TRMT11: variants seen among roughly 807,000 people sequenced by gnomAD.
The protein encoded by TRMT11 is tRNA (guanine(10)-N(2))-methyltransferase TRMT11.
A neutral mutation model predicts 62.8 loss-of-function variants in TRMT11; 53 were observed. That is an observed-to-expected ratio of 0.84 (90% CI 0.68 to 1.06). The LOEUF (loss-of-function observed/expected upper bound fraction) is 1.06, where lower values mean the gene tolerates loss of function less well. Among genes scored for constraint, TRMT11 ranks in the 50% least tolerant of loss-of-function variants. The pLI is 0.00. For synonymous variants in TRMT11, 188 were observed against 190.3 expected (o/e 0.99, Z 0.10); for missense variants, 556 against 553.4 (o/e 1.00, Z -0.05).
At chr6:126,103,846 C>T (rs1297556867) in intron 17 of TRMT11, among the ~76,000 whole-genome samples, 2 of 152,120 alleles carry the variant, frequency 1.3e-5, no homozygotes, top group Non-Finnish European at 2.9e-5. Context: ...GAGTGACTTC[C>T]TATCTCCTTT....
chr6:126,196,710 G>A (rs984176277), intron 1 of TRMT11, among the ~76,000 whole-genome samples: 29 of 152,152 alleles, frequency 1.9e-4, no homozygotes, highest in Non-Finnish European at 3.4e-4. Flanking sequence ...TAGCTGTGAG[G>A]AAGGTATAAT....
In TRMT11 at chr6:126,008,378, G is replaced by A. The variant is rs367998024; in HGVS notation, c.680-14G>A. On this transcript the variant is annotated splice_polypyrimidine_tract_variant and intron_variant, in intron 7 of 12. Coordinates refer to ENST00000334379, the MANE Select transcript of TRMT11 (RefSeq NM_001031712.3). ...ACTTACTGGTTAACAGGTCAAAATT[G>A]TGTGATTTTTCAGGTGGCCTGCTGA... 8 of 1,611,998 alleles carry A rather than the reference G, an allele frequency of 5.0e-6. No individual in the cohort carries two copies. The highest frequency in any genetic ancestry group is 6.8e-6 in the Non-Finnish European group (8 of 1,178,412).
At chr6:126,102,059 G>T (rs2128179180) in intron 17 of TRMT11, among the ~76,000 whole-genome samples, 1 of 152,190 alleles carries the variant, frequency 6.6e-6, no homozygotes, top group South Asian at 2.1e-4. Context: ...TTGAATTTTT[G>T]GTGCAAGAGA....
chr6:125,993,691 C>A, intron 1 of TRMT11, 66 bp from the exon 2 acceptor site: 1 of 1,009,438 alleles, frequency 9.9e-7, no homozygotes, highest in Non-Finnish European at 1.5e-6. Context: ...TAATACCTGT[C>A]TCCCTTAGTA....
In TRMT11 at chr6:126,115,060, C is replaced by T. The variant is rs77763959; in HGVS notation, c.*1562-285C>T. ...ATCATTTATTGCTGCACGTGTCTTTCCCCCTCCATATACTGTGCTCCTTAA... is the reference window on the plus strand; with the variant it reads ...ATCATTTATTGCTGCACGTGTCTTTTCCCCTCCATATACTGTGCTCCTTAA... On this transcript the variant is annotated intron_variant and NMD_transcript_variant, in intron 19 of 22. Coordinates refer to the TRMT11 transcript ENST00000648977. 2.8e-3 allele frequency among the ~76,000 whole-genome samples: 423 copies of T among 152,160 alleles called. 2 individuals are homozygous for T. The highest frequency in any genetic ancestry group is 9.8e-3 in the African/African-American group (405 of 41,528).
intron 21 of TRMT11, among the ~76,000 whole-genome samples, chr6:126,148,197 T>C (rs910627339): frequency 1.3e-5 from 2 of 152,200 alleles, no homozygotes; most frequent in Non-Finnish European, 1.5e-5. Flanking sequence ...GGTCCATGGC[T>C]GGAGCCTGGC....
chr6:126,200,551 CATT>C (rs199980743), intron 3 of TRMT11, among the ~76,000 whole-genome samples: 1 of 152,048 alleles, frequency 6.6e-6, no homozygotes, highest in Non-Finnish European at 1.5e-5. Context: ...AACATGCATT[CATT>C]ATTATTATTA....
chr6:126,271,864 A>T, the TRMT11 span, among the ~76,000 whole-genome samples: 1 of 152,192 alleles, frequency 6.6e-6, no homozygotes, highest in African/African-American at 2.4e-5. Context: ...AACAAGATTT[A>T]CCTGTGGACA....
chr6:126,262,957 T>G, the TRMT11 span, among the ~76,000 whole-genome samples: 1 of 152,174 alleles, frequency 6.6e-6, no homozygotes, highest in African/African-American at 2.4e-5. Context: ...TGGTCTGTTT[T>G]TCTTGGTGGG....
intron 12 of TRMT11, among the ~76,000 whole-genome samples, chr6:126,029,610 C>T (rs1467656051): frequency 6.6e-6 from 1 of 152,172 alleles, no homozygotes; most frequent in Non-Finnish European, 1.5e-5. Flanking sequence ...ATAGTCTCTA[C>T]ATTAAAGTGA....
At chr6:126,152,566 A>C (rs1365950485) in intron 21 of TRMT11, among the ~76,000 whole-genome samples, 1 of 152,194 alleles carries the variant, frequency 6.6e-6, no homozygotes, top group Non-Finnish European at 1.5e-5. Context: ...CTCAGGTCAA[A>C]GAAGACAATG....
At chr6:126,191,514 C>T (rs1778600430) in intron 1 of TRMT11, among the ~76,000 whole-genome samples, 1 of 147,618 alleles carries the variant, frequency 6.8e-6, no homozygotes, top group African/African-American at 2.5e-5. Context: ...GAGATCTTGC[C>T]CTGCCCTCAA....
At position 126,145,027 on chromosome 6, in the gene TRMT11, G is replaced by C. The variant is rs188511711; in HGVS notation, c.*1823+29172G>C. On this transcript the variant is annotated intron_variant and NMD_transcript_variant, in intron 21 of 22. Coordinates refer to the TRMT11 transcript ENST00000648977. ...TACTTTTTAAAGACTGCCAGTGAAAGTTTTATATCTCTATGGTCCTAGACA... is the reference window on the plus strand; with the variant it reads ...TACTTTTTAAAGACTGCCAGTGAAACTTTTATATCTCTATGGTCCTAGACA... Among the ~76,000 whole-genome samples the C allele has an allele frequency of 6.8e-4, 103 of 152,240 alleles. 2 individuals carry two copies. The East Asian group carries it at 0.017, about 25-fold the overall frequency.
At chr6:126,217,020 A>G in the TRMT11 span, among the ~76,000 whole-genome samples, 1 of 152,184 alleles carries the variant, frequency 6.6e-6, no homozygotes, top group Non-Finnish European at 1.5e-5. Context: ...TCCTGCTGTT[A>G]AGAGACTCTG....
chr6:126,045,337 G>T (rs1215223403), intron 16 of TRMT11, among the ~76,000 whole-genome samples: 1 of 152,104 alleles, frequency 6.6e-6, no homozygotes, highest in Admixed American at 6.6e-5. Context: ...GACCCTTCAT[G>T]GTTCTTGATG....
intron 17 of TRMT11, among the ~76,000 whole-genome samples, chr6:126,085,871 G>A (rs369940728): frequency 1.3e-5 from 2 of 152,190 alleles, no homozygotes; most frequent in Admixed American, 6.6e-5. Context: ...AATTGTAACA[G>A]ATGTATCACT....
intron 21 of TRMT11, among the ~76,000 whole-genome samples, chr6:126,171,762 A>T (rs1778331977): frequency 6.6e-6 from 1 of 152,178 alleles, no homozygotes; most frequent in African/African-American, 2.4e-5. Context: ...CTTGTCGCCC[A>T]GGCTGGAGTG....
At chr6:126,186,071 T>A (rs1778524216) in intron 1 of TRMT11, among the ~76,000 whole-genome samples, 1 of 152,198 alleles carries the variant, frequency 6.6e-6, no homozygotes, top group Non-Finnish European at 1.5e-5. Context: ...TTTTAAAATA[T>A]CCTTCTGAAG....
rs566272598 is a variant in TRMT11 at position 126,033,181 on chromosome 6, T to A, written c.1261-5524T>A. On this transcript the variant is annotated intron_variant, in intron 12 of 12. Coordinates refer to ENST00000334379, the MANE Select transcript of TRMT11 (RefSeq NM_001031712.3). ...CGTTTTATCTAAGTGGAATTCTCAA[T>A]GAAGAATCTTTCGTATGTTGGAAGT... Among the ~76,000 whole-genome samples the A allele has an allele frequency of 3.5e-4, 53 of 152,288 alleles. No homozygotes were observed. In the South Asian group the frequency reaches 0.011, roughly 31 times the overall value.
Sources: gnomAD v4.1 joint callset for allele counts (sites outside exome capture counted in the v4.1 genomes callset) on GRCh38, gnomAD v4.1.1 for gene constraint, MANE v1.5 for transcripts, NCBI Gene and HGNC (gene_info 2026-07-23, HGNC 2026-07-21) for gene names.